DLGAP2: variants seen among roughly 807,000 people sequenced by gnomAD.
DLGAP2 encodes the protein disks large-associated protein 2.
A neutral mutation model predicts 100.3 loss-of-function variants in DLGAP2; 26 were observed. The ratio of observed to expected loss-of-function variants is 0.26; its 90% CI spans 0.19 to 0.36. The LOEUF is 0.36. Ranked by LOEUF, DLGAP2 falls within the 10% of genes least tolerant of loss-of-function variation. The pLI is 1.00. For missense variants in DLGAP2, 1,858 were observed against 1,453.2 expected (o/e 1.28, Z -4.53); for synonymous variants, 886 against 630.1 (o/e 1.41, Z -6.08).
intron 1 of DLGAP2, among the ~76,000 whole-genome samples, chr8:760,980 C>T (rs1267602413): frequency 6.6e-6 from 1 of 152,162 alleles, no homozygotes; most frequent in Non-Finnish European, 1.5e-5. Flanking sequence ...AGTTTCCAGG[C>T]TCATGGGCAT....
chr8:744,372 G>C (rs1163642222), intron 1 of DLGAP2, among the ~76,000 whole-genome samples: 1 of 152,174 alleles, frequency 6.6e-6, no homozygotes, highest in African/African-American at 2.4e-5. Flanking sequence ...GATCACCCTT[G>C]AACCCTGGCC....
intron 6 of DLGAP2, among the ~76,000 whole-genome samples, chr8:1,607,665 G>A (rs1478035149): frequency 6.6e-6 from 1 of 152,130 alleles, no homozygotes; most frequent in Non-Finnish European, 1.5e-5. Context: ...GACAGTGGGC[G>A]CAGGCCAGTG....
chr8:1,649,729 C>G (rs917646835), intron 8 of DLGAP2, among the ~76,000 whole-genome samples: 1 of 152,114 alleles, frequency 6.6e-6, no homozygotes, highest in South Asian at 2.1e-4. Context: ...TTATTTCATC[C>G]TAACATAGGT....
chr8:785,321 T>G (rs1821815304), intron 1 of DLGAP2, among the ~76,000 whole-genome samples: 1 of 149,650 alleles, frequency 6.7e-6, no homozygotes, highest in South Asian at 2.1e-4. Flanking sequence ...GCGATTCCCA[T>G]GTGGCTCAGG....
intron 1 of DLGAP2, among the ~76,000 whole-genome samples, chr8:814,063 A>G (rs1449807534): frequency 1.3e-5 from 2 of 152,214 alleles, no homozygotes; most frequent in Admixed American, 6.5e-5. Context: ...GAACTCAGAA[A>G]AAGATCTAAT....
intron 2 of DLGAP2, among the ~76,000 whole-genome samples, chr8:938,446 G>A (rs1206378062): frequency 6.6e-6 from 1 of 152,160 alleles, no homozygotes; most frequent in African/African-American, 2.4e-5. Flanking sequence ...TCAAGGGGAC[G>A]GAGGTGAAGA....
At chr8:1,659,894 G>C (rs1312050437) in intron 8 of DLGAP2, among the ~76,000 whole-genome samples, 1 of 152,168 alleles carries the variant, frequency 6.6e-6, no homozygotes, top group Non-Finnish European at 1.5e-5. Flanking sequence ...TATGATGATA[G>C]CTGGTTATTT....
At chr8:1,410,379 G>A (rs576434430) in intron 3 of DLGAP2, among the ~76,000 whole-genome samples, 4 of 152,296 alleles carry the variant, frequency 2.6e-5, no homozygotes, top group Admixed American at 2.0e-4. Flanking sequence ...CAGAGCAGAC[G>A]CCAGTCTGAC....
chr8:1,107,501 C>T (rs1001417921), intron 2 of DLGAP2, among the ~76,000 whole-genome samples: 1 of 152,200 alleles, frequency 6.6e-6, no homozygotes, highest in South Asian at 2.1e-4. Context: ...AAAGCCACAG[C>T]TCTTCACAGG....
At chr8:1,444,818 C>A (rs1225930610) in intron 3 of DLGAP2, among the ~76,000 whole-genome samples, 2 of 115,966 alleles carry the variant, frequency 1.7e-5, no homozygotes, top group African/African-American at 7.0e-5. Context: ...TCACTCTTGT[C>A]ACTCAGGCTG....
rs539093039 is a variant in DLGAP2 at position 1,160,789 on chromosome 8, C to G, written c.74-98062C>G. On this transcript the variant is annotated intron_variant, in intron 2 of 14. Transcript: ENST00000637795. Reference sequence around the variant, plus strand: ...AAGCCTGGCGAGGAAGGCGAGGAAGCCTGGCAGGGATGGTTTTTTCACCAC... The same window carrying G: ...AAGCCTGGCGAGGAAGGCGAGGAAGGCTGGCAGGGATGGTTTTTTCACCAC... Among the ~76,000 whole-genome samples, 10 of 152,258 alleles carry G rather than the reference C, an allele frequency of 6.6e-5. No individual in the cohort carries two copies. In the South Asian group the frequency reaches 2.1e-3, roughly 32 times the overall value.
chr8:960,300 A>G (rs931491165), intron 2 of DLGAP2, among the ~76,000 whole-genome samples: 1 of 129,930 alleles, frequency 7.7e-6, no homozygotes, highest in Admixed American at 8.9e-5. Context: ...AAGTGGCACA[A>G]TCTTGGCTCA....
chr8:1,309,735 T>C (rs1800569640), intron 3 of DLGAP2, among the ~76,000 whole-genome samples: 1 of 152,178 alleles, frequency 6.6e-6, no homozygotes. Context: ...GCTACAGAAA[T>C]TAAAAGATGA....
At chr8:1,148,389 C>A (rs1796641738) in intron 2 of DLGAP2, among the ~76,000 whole-genome samples, 1 of 151,624 alleles carries the variant, frequency 6.6e-6, no homozygotes, top group Non-Finnish European at 1.5e-5. Flanking sequence ...TATTACTAGT[C>A]TTTTAAAGAA....
intron 2 of DLGAP2, among the ~76,000 whole-genome samples, chr8:928,108 G>A (rs1156760611): frequency 1.3e-5 from 2 of 152,188 alleles, no homozygotes; most frequent in Non-Finnish European, 2.9e-5. Flanking sequence ...TGACTGGGGA[G>A]GGCGCCAGCC....
At chr8:1,112,791 A>G (rs140222632) in intron 2 of DLGAP2, among the ~76,000 whole-genome samples, 7 of 152,180 alleles carry the variant, frequency 4.6e-5, no homozygotes, top group Non-Finnish European at 8.8e-5. Flanking sequence ...TTGCTCATTC[A>G]GGATGATATT....
At chr8:1,087,739 C>A (rs549256859) in intron 2 of DLGAP2, among the ~76,000 whole-genome samples, 1 of 152,336 alleles carries the variant, frequency 6.6e-6, no homozygotes, top group African/African-American at 2.4e-5. Context: ...GACATTCTCA[C>A]CTTGATGATT....
At chr8:947,640 C>T (rs1023586145) in intron 2 of DLGAP2, among the ~76,000 whole-genome samples, 2 of 152,196 alleles carry the variant, frequency 1.3e-5, no homozygotes, top group African/African-American at 4.8e-5. Context: ...CACCTCCACG[C>T]GCGGCGCTGT....
rs140881336 is a variant in DLGAP2, at chr8:1,420,634, G to C, written c.107-80732G>C. On this transcript the variant is annotated intron_variant, in intron 3 of 14. Coordinates refer to ENST00000637795, the MANE Select transcript of DLGAP2 (RefSeq NM_001346810.2). Reference sequence around the variant, plus strand: ...AGCCTGTGGGTCAAGGTTTCACACTGTCAGGACCCAATTTGTGCCTCCGAC... The same window carrying C: ...AGCCTGTGGGTCAAGGTTTCACACTCTCAGGACCCAATTTGTGCCTCCGAC... Among the ~76,000 whole-genome samples, 146 of 152,250 alleles carry C rather than the reference G, an allele frequency of 9.6e-4. 1 individual carries two copies. Among genetic ancestry groups the C allele is most frequent in the African/African-American group, 3.3e-3 (139 of 41,544 alleles).
Sources: gnomAD v4.1 joint callset for allele counts (sites outside exome capture counted in the v4.1 genomes callset) on GRCh38, gnomAD v4.1.1 for gene constraint, MANE v1.5 for transcripts, NCBI Gene and HGNC (gene_info 2026-07-23, HGNC 2026-07-21) for gene names.